Variants in KIF24 observed in about 807,000 individuals in gnomAD.
KIF24 encodes the protein kinesin family member 24, also known as kinesin-like protein KIF24.
In KIF24, 81 loss-of-function variants were observed where a neutral mutation model predicts 118.9. That is an observed-to-expected ratio of 0.68 (90% CI 0.57 to 0.82). The LOEUF (loss-of-function observed/expected upper bound fraction) is 0.82. Ranked by LOEUF, KIF24 falls within the 40% of genes least tolerant of loss-of-function variation. The pLI, the probability that KIF24 is intolerant of heterozygous loss-of-function variation, is 0.00. For synonymous variants in KIF24, 599 were observed against 610.0 expected, an observed-to-expected ratio of 0.98 and a Z score of 0.27; for missense variants, 1,560 against 1,661.6, an observed-to-expected ratio of 0.94 and a Z score of 1.06.
intron 3 of KIF24, among the ~76,000 whole-genome samples, chr9:34,301,133 T>C (rs922736273): frequency 6.6e-6 from 1 of 152,232 alleles, no homozygotes; most frequent in East Asian, 1.9e-4. Flanking sequence ...AGTTAATGTA[T>C]ATACACAATT....
At chr9:34,275,301 T>TTC (rs1835618739) in intron 6 of KIF24, among the ~76,000 whole-genome samples, 1 of 151,448 alleles carries the variant, frequency 6.6e-6, no homozygotes, top group Non-Finnish European at 1.5e-5. Flanking sequence ...GGCTGAGGCA[T>TTC]GAGAATTGCT....
chr9:34,266,830 C>T (rs995020260), intron 8 of KIF24, among the ~76,000 whole-genome samples: 3 of 151,936 alleles, frequency 2.0e-5, no homozygotes, highest in African/African-American at 4.8e-5. Context: ...CTATCAAGAA[C>T]GAGTAGGGTT....
At chr9:34,286,012 T>C (rs1311049359) in intron 6 of KIF24, among the ~76,000 whole-genome samples, 1 of 150,346 alleles carries the variant, frequency 6.7e-6, no homozygotes, top group East Asian at 1.9e-4. Flanking sequence ...CCCACTGCCA[T>C]AGAGAAACAC....
intron 9 of KIF24, among the ~76,000 whole-genome samples, chr9:34,261,422 C>T (rs1422828139): frequency 6.6e-6 from 1 of 152,198 alleles, no homozygotes; most frequent in Admixed American, 6.5e-5. Context: ...AAGAGGCACA[C>T]TTTCATGACA....
At chr9:34,268,395 A>G (rs563705246) in intron 8 of KIF24, among the ~76,000 whole-genome samples, 29 of 152,270 alleles carry the variant, frequency 1.9e-4, no homozygotes, top group African/African-American at 6.3e-4. Flanking sequence ...ACCTCAAGTG[A>G]TCCACCTGCC....
At chr9:34,319,536 A>C (rs1837447213) in intron 1 of KIF24, 3 of 1,184,886 alleles carry the variant, frequency 2.5e-6, no homozygotes, top group Non-Finnish European at 3.7e-6. Context: ...GCGCAGCCCC[A>C]AGCTGTTCTA....
chr9:34,316,462 G>A (rs558395506), intron 1 of KIF24, among the ~76,000 whole-genome samples: 2 of 152,026 alleles, frequency 1.3e-5, no homozygotes, highest in South Asian at 2.1e-4. Flanking sequence ...AATTCTTTAC[G>A]AGTCCCATCA....
rs1432537881 is a variant in KIF24 at position 34,297,026 on chromosome 9, A to G, written c.902T>C (p.Ile301Thr). 3 of 1,556,248 alleles carry G rather than the reference A, an allele frequency of 1.9e-6. No individual in the cohort carries two copies. Among genetic ancestry groups the G allele is most frequent in the Non-Finnish European group, 2.6e-6 (3 of 1,134,844 alleles). The change falls in exon 4 of 13, where the codon ATT (isoleucine) becomes ACT (threonine). Residue 301 changes from isoleucine (I) to threonine (T), a missense_variant. Physicochemically the swap from Ile to Thr is moderately conservative, Grantham distance 89 (BLOSUM62 -1). Around this residue, in one of 3 missense-constraint regions of KIF24, gnomAD observed 964 missense variants for 988.0 expected, o/e 0.98. Coordinates refer to ENST00000402558, the MANE Select transcript of KIF24 (RefSeq NM_194313.4). ...ATAATCATTATCGTACCCATTGAAAATATGCTGAATAAGTGGGTGAGTAGT... is the reference window on the plus strand; with the variant it reads ...ATAATCATTATCGTACCCATTGAAAGTATGCTGAATAAGTGGGTGAGTAGT... ...MKTTHPLIQH[I>T]FNGGNATCFA...
At chr9:34,326,908 A>G (rs1243477730) in intron 1 of KIF24, among the ~76,000 whole-genome samples, 1 of 151,926 alleles carries the variant, frequency 6.6e-6, no homozygotes, top group Non-Finnish European at 1.5e-5. Context: ...CAAAAGTGGA[A>G]ACAGGGAGAT....
chr9:34,298,900 C>T (rs888768050), intron 3 of KIF24, among the ~76,000 whole-genome samples: 1 of 151,866 alleles, frequency 6.6e-6, no homozygotes, highest in Non-Finnish European at 1.5e-5. Context: ...AAGACGACTT[C>T]CAAATGAAAA....
chr9:34,327,437 A>G (rs189737104), intron 1 of KIF24, among the ~76,000 whole-genome samples: 126 of 152,308 alleles, frequency 8.3e-4, no homozygotes, highest in Non-Finnish European at 1.6e-3. Flanking sequence ...CACACTCTGA[A>G]TAACTAAAGA....
At chr9:34,255,282 G>T in intron 11 of KIF24, 117 bp from the exon 12 acceptor site, 1 of 658,098 alleles carries the variant, frequency 1.5e-6, no homozygotes, top group Non-Finnish European at 2.7e-6. Context: ...AATGGTCAAG[G>T]TTTTCACCAA....
chr9:34,310,641 T>C, intron 2 of KIF24, 83 bp downstream of exon 2: 11 of 905,502 alleles, frequency 1.2e-5, no homozygotes, highest in Non-Finnish European at 3.4e-6. Flanking sequence ...AAGGAGTAGA[T>C]GCTGTCTGCT....
chr9:34,270,194 C>T (rs1200232936), intron 7 of KIF24, among the ~76,000 whole-genome samples: 1 of 148,430 alleles, frequency 6.7e-6, no homozygotes, highest in African/African-American at 2.5e-5. Context: ...ACACTCCAGC[C>T]TGGCGACAGC....
intron 1 of KIF24, among the ~76,000 whole-genome samples, chr9:34,314,946 A>G (rs1302530898): frequency 6.6e-6 from 1 of 152,260 alleles, no homozygotes; most frequent in Non-Finnish European, 1.5e-5. Flanking sequence ...TAAATGATCT[A>G]TAATAAATCT....
chr9:34,271,875 T>C lies in KIF24; in HGVS notation c.1271A>G (p.Asp424Gly). ...GATGACGGCATGGGAGCGGGAGGAG[T>C]CTGCATTAACTCCAGTGGCCCCAGT... ...RSTGATGVNADSSRSHAVIQI... is the reference protein window; with the variant it reads ...RSTGATGVNAGSSRSHAVIQI... The change falls in exon 7 of 13, where the codon GAC (aspartate) becomes GGC (glycine). Residue 424 changes from aspartate to glycine, a missense_variant. This residue lies in a region of KIF24 where 964 missense variants were observed against 988.0 expected (regional missense o/e 0.98). Coordinates refer to ENST00000402558, the MANE Select transcript of KIF24 (RefSeq NM_194313.4). 1 of 1,609,898 alleles carries C rather than the reference T, an allele frequency of 6.2e-7. No individual in the cohort carries two copies. Among genetic ancestry groups the C allele is most frequent in the South Asian group, 1.1e-5 (1 of 90,174 alleles).
rs575606819 is a variant in KIF24 at position 34,255,901 on chromosome 9, C to A, written c.3706G>T (p.Gly1236Cys). ...HPTRLGWQEF[G>C]LSTDPIKLPC... ...AACTTGATGGGGTCTGTGGACAAACCAAACTCCTGCCAACCAAGCCTTGTA... is the reference window on the plus strand; with the variant it reads ...AACTTGATGGGGTCTGTGGACAAACAAAACTCCTGCCAACCAAGCCTTGTA... Residue 1236 changes from glycine to cysteine, a missense_variant, in exon 11 of 13, where the codon GGT becomes TGT. Coordinates refer to ENST00000402558, the MANE Select transcript of KIF24 (RefSeq NM_194313.4). 9.3e-6 allele frequency: 15 copies of A among 1,613,970 alleles called. No individual in the cohort carries two copies. The East Asian group carries it at 3.1e-4, about 34-fold the overall frequency.
chr9:34,255,810 G>A lies in KIF24; in HGVS notation c.3797C>T (p.Pro1266Leu). 1 of 1,613,960 alleles carries A rather than the reference G, an allele frequency of 6.2e-7. No homozygotes were observed. Among genetic ancestry groups the A allele is most frequent in the Non-Finnish European group, 8.5e-7 (1 of 1,179,872 alleles). Residue 1266 changes from proline to leucine, a missense_variant, in exon 11 of 13, where the codon CCA (proline) becomes CTA (leucine). Around this residue, in one of 3 missense-constraint regions of KIF24, gnomAD observed 591 missense variants for 655.6 expected, o/e 0.90. Coordinates refer to ENST00000402558, the MANE Select transcript of KIF24 (RefSeq NM_194313.4). Reference protein sequence around the residue: ...PRPISRCLARPSSPLVPSCSP... With the variant: ...PRPISRCLARLSSPLVPSCSP... ...GCAGCTGGGAACCAAGGGAGAACTT[G>A]GCCTTGCTAAGCACCTTGAGATCGG...
Position 34,256,021 on chromosome 9 carries a change from G to A in KIF24, c.3586C>T (p.His1196Tyr), listed in dbSNP as rs750051394. The A allele has an allele frequency of 6.8e-6, 11 of 1,613,898 alleles. No homozygotes were observed. In the South Asian group the frequency reaches 1.2e-4, roughly 18 times the overall value. The change falls in exon 11 of 13, where the codon CAT (histidine) becomes TAT (tyrosine). Residue 1196 changes from histidine to tyrosine, a missense_variant. His to Tyr is a moderately conservative substitution (Grantham distance 83, BLOSUM62 2). Around this residue, in one of 3 missense-constraint regions of KIF24, gnomAD observed 591 missense variants for 655.6 expected, o/e 0.90. Transcript: ENST00000402558. ...GFPGKPFTTI[H>Y]MGVPHSGPTL... ...GGTCCAGAATGGGGTACCCCCATAT[G>A]TATGGTGGTGAAGGGCTTTCCTGGG...
Sources: gnomAD v4.1 joint callset for allele counts (sites outside exome capture counted in the v4.1 genomes callset) on GRCh38, gnomAD v4.1.1 for gene constraint, gnomAD v4.1.1 regional missense constraint, MANE v1.5 for transcripts, NCBI Gene and HGNC (gene_info 2026-07-23, HGNC 2026-07-21) for gene names.